The following SSH2 variants were observed in gnomAD, a reference collection of about 807,000 sequenced individuals.
SSH2 encodes the protein slingshot protein phosphatase 2.
Under a neutral mutation model 135.2 loss-of-function variants are expected in SSH2, and 37 were observed. The observed-to-expected ratio is 0.27, with a 90% CI of 0.21 to 0.36. The LOEUF is 0.36. SSH2 is among the 10% of genes least tolerant of loss of function. The pLI, the probability that SSH2 is intolerant of heterozygous loss-of-function variation, is 1.00. For synonymous variants in SSH2, 628 were observed against 646.2 expected (o/e 0.97, Z 0.43); for missense variants, 1,408 against 1,765.3 (o/e 0.80, Z 3.63).
chr17:29,913,559 C>T (rs1278838162), intron 1 of SSH2, among the ~76,000 whole-genome samples: 1 of 149,754 alleles, frequency 6.7e-6, no homozygotes, highest in African/African-American at 2.4e-5. Flanking sequence ...TCTGTGAACC[C>T]CTAGGAAGCA....
intron 11 of SSH2, among the ~76,000 whole-genome samples, chr17:29,659,432 C>A (rs1377011828): frequency 6.6e-6 from 1 of 152,194 alleles, no homozygotes; most frequent in Non-Finnish European, 1.5e-5. Context: ...ATTTGCATTT[C>A]TCTTAGAAGT....
intron 3 of SSH2, among the ~76,000 whole-genome samples, chr17:29,791,917 CTT>C (rs36064413): frequency 1.2e-4 from 16 of 128,302 alleles, no homozygotes; most frequent in Admixed American, 2.4e-4. Context: ...TCTTCTTCCT[CTT>C]TTTTTTTTTT....
intron 3 of SSH2, among the ~76,000 whole-genome samples, chr17:29,738,389 C>T (rs1032379343): frequency 2.0e-5 from 3 of 152,104 alleles, no homozygotes; most frequent in Admixed American, 1.3e-4. Context: ...AATAAACATA[C>T]GTGTGCATGT....
At chr17:29,770,114 T>G (rs1160401246) in intron 3 of SSH2, among the ~76,000 whole-genome samples, 1 of 149,146 alleles carries the variant, frequency 6.7e-6, no homozygotes, top group African/African-American at 2.5e-5. Flanking sequence ...TTTTTTTTTT[T>G]TTTTTAACAG....
In SSH2 at chr17:29,879,432, A is replaced by G. The variant is rs200431001; in HGVS notation, c.64-30503T>C. ...TAGAGCGCTTTTAGGTTCACAGCAA[A>G]ATTGAACAGAAGGTAGACAGATTTC... On this transcript the variant is annotated intron_variant, in intron 1 of 15. Transcript: ENST00000540801. Among the ~76,000 whole-genome samples, 164 of 151,524 alleles carry G rather than the reference A, an allele frequency of 1.1e-3. 4 individuals carry two copies. In the South Asian group the frequency reaches 0.026, roughly 24 times the overall value.
intron 5 of SSH2, among the ~76,000 whole-genome samples, chr17:29,687,937 C>G (rs1451717706): frequency 6.6e-6 from 1 of 151,632 alleles, no homozygotes; most frequent in Non-Finnish European, 1.5e-5. Flanking sequence ...ATCTATAATG[C>G]AAGTTACCAG....
At chr17:29,864,511 G>A (rs1019106735) in intron 1 of SSH2, among the ~76,000 whole-genome samples, 18 of 150,622 alleles carry the variant, frequency 1.2e-4, no homozygotes, top group African/African-American at 4.1e-4. Context: ...TGCAACTAAC[G>A]GTGATAAGAT....
chr17:29,818,275 T>G (rs1207177614), intron 2 of SSH2, among the ~76,000 whole-genome samples: 1 of 151,466 alleles, frequency 6.6e-6, no homozygotes, highest in Non-Finnish European at 1.5e-5. Context: ...AAGAGATGGA[T>G]TCTTGCCTTG....
chr17:29,840,304 C>G (rs1335371854), intron 2 of SSH2, among the ~76,000 whole-genome samples: 2 of 152,070 alleles, frequency 1.3e-5, no homozygotes, highest in Non-Finnish European at 2.9e-5. Flanking sequence ...TTGAAACATG[C>G]CAGATGTTTC....
chr17:29,851,283 T>C (rs1320364738), intron 1 of SSH2, among the ~76,000 whole-genome samples: 1 of 152,102 alleles, frequency 6.6e-6, no homozygotes, highest in Admixed American at 6.6e-5. Context: ...CAAAAGTGGC[T>C]TGTCATTGTC....
intron 2 of SSH2, among the ~76,000 whole-genome samples, chr17:29,816,239 G>A (rs908104595): frequency 3.3e-5 from 5 of 152,112 alleles, no homozygotes; most frequent in African/African-American, 1.2e-4. Context: ...CGAATATAAA[G>A]TTTATTCTCA....
At chr17:29,698,749 G>A (rs1445847021) in intron 4 of SSH2, among the ~76,000 whole-genome samples, 1 of 152,094 alleles carries the variant, frequency 6.6e-6, no homozygotes, top group Non-Finnish European at 1.5e-5. Context: ...TGTCTGCCTC[G>A]GCCTCCCAAA....
chr17:29,700,322 A>G (rs1162165759), intron 4 of SSH2, among the ~76,000 whole-genome samples: 6 of 152,114 alleles, frequency 3.9e-5, no homozygotes, highest in Admixed American at 3.9e-4. Context: ...TTTTCCCCAA[A>G]ATGATAAATA....
chr17:29,895,149 T>C (rs1049430283), intron 1 of SSH2, among the ~76,000 whole-genome samples: 1 of 147,830 alleles, frequency 6.8e-6, no homozygotes, highest in African/African-American at 2.5e-5. Flanking sequence ...ATTTTATTTA[T>C]AGATCGCAGA....
chr17:29,785,377 C>T (rs1023372400), intron 3 of SSH2, among the ~76,000 whole-genome samples: 2 of 151,648 alleles, frequency 1.3e-5, no homozygotes, highest in African/African-American at 4.8e-5. Flanking sequence ...CCTGAGATTG[C>T]AAGATATATT....
At chr17:29,865,562 A>C (rs1203633233) in intron 1 of SSH2, among the ~76,000 whole-genome samples, 1 of 152,224 alleles carries the variant, frequency 6.6e-6, no homozygotes, top group African/African-American at 2.4e-5. Flanking sequence ...ATAAATCACA[A>C]ATACTCTAAA....
At chr17:29,897,296 G>C (rs909552943) in intron 1 of SSH2, among the ~76,000 whole-genome samples, 1 of 152,000 alleles carries the variant, frequency 6.6e-6, no homozygotes, top group Non-Finnish European at 1.5e-5. Context: ...AACCTTAAAC[G>C]TAAATGGCCT....
At chr17:29,769,617 G>A (rs2041523402) in intron 3 of SSH2, among the ~76,000 whole-genome samples, 1 of 152,042 alleles carries the variant, frequency 6.6e-6, no homozygotes, top group Non-Finnish European at 1.5e-5. Flanking sequence ...GAATGATGAT[G>A]GCATCACCAT....
intron 8 of SSH2, 59 bp downstream of exon 8, chr17:29,676,761 C>T: frequency 4.4e-6 from 6 of 1,372,912 alleles, no homozygotes; most frequent in Non-Finnish European, 6.2e-6. Flanking sequence ...ACATTTCTTA[C>T]AAAATATTCC....
Sources: allele counts gnomAD v4.1 joint callset (sites outside exome capture counted in the v4.1 genomes callset), GRCh38; gene constraint gnomAD v4.1.1; transcripts MANE v1.5; gene names NCBI Gene and HGNC (gene_info 2026-07-23, HGNC 2026-07-21).